SCAMP5: variants seen among roughly 807,000 people sequenced by gnomAD.
SCAMP5 encodes the protein secretory carrier membrane protein 5, also known as secretory carrier-associated membrane protein 5.
In SCAMP5, 7 loss-of-function variants were observed where a neutral mutation model predicts 28.3. The observed-to-expected ratio is 0.25, with a 90% CI of 0.14 to 0.46. The LOEUF is 0.46. SCAMP5 is among the 20% of genes least tolerant of loss of function. SCAMP5 has a pLI of 0.99. For synonymous variants in SCAMP5, 117 were observed against 116.4 expected (o/e 1.00, Z -0.03); for missense variants, 192 against 312.5 (o/e 0.61, Z 2.91).
At chr15:75,008,487 A>G (rs953507497) in intron 1 of SCAMP5, among the ~76,000 whole-genome samples, 1 of 145,418 alleles carries the variant, frequency 6.9e-6, no homozygotes, top group African/African-American at 2.5e-5. Flanking sequence ...CAGTTTACTG[A>G]GCTCATCTTT....
At chr15:75,005,350 T>C (rs2065746496) in intron 1 of SCAMP5, among the ~76,000 whole-genome samples, 1 of 151,062 alleles carries the variant, frequency 6.6e-6, no homozygotes, top group Admixed American at 6.6e-5. Context: ...TAATCCCAGC[T>C]ACTCCAGGCT....
intron 3 of SCAMP5, 99 bp downstream of exon 3, chr15:75,012,904 C>A (rs1183526436): frequency 8.6e-7 from 1 of 1,166,998 alleles, no homozygotes; most frequent in East Asian, 2.3e-5. Flanking sequence ...GCCTGACTGT[C>A]CTTCAGTCCC....
At chr15:75,004,805 A>C (rs986213464) in intron 1 of SCAMP5, among the ~76,000 whole-genome samples, 1 of 152,194 alleles carries the variant, frequency 6.6e-6, no homozygotes, top group Non-Finnish European at 1.5e-5. Context: ...TTAATAGTGA[A>C]TAGTAGTATC....
intron 1 of SCAMP5, among the ~76,000 whole-genome samples, chr15:75,004,632 A>T (rs2065739020): frequency 6.6e-6 from 1 of 152,008 alleles, no homozygotes; most frequent in South Asian, 2.1e-4. Flanking sequence ...CAGGAGACTG[A>T]GACTGGAGGA....
At chr15:75,013,851 G>A (rs1305488865) in intron 3 of SCAMP5, among the ~76,000 whole-genome samples, 2 of 151,908 alleles carry the variant, frequency 1.3e-5, no homozygotes, top group African/African-American at 4.8e-5. Context: ...AAATAATCTA[G>A]AATTCTTTAT....
At chr15:75,006,734 C>T (rs73436586) in intron 1 of SCAMP5, among the ~76,000 whole-genome samples, 29,860 of 149,582 alleles carry the variant, frequency 0.2, 4,732 homozygotes, top group South Asian at 0.43. Context: ...GAGATCACGC[C>T]GCTGCACTCT....
intron 1 of SCAMP5, among the ~76,000 whole-genome samples, chr15:75,001,440 G>A (rs975490003): frequency 2.0e-5 from 3 of 151,930 alleles, no homozygotes; most frequent in Admixed American, 6.6e-5. Flanking sequence ...GGTCCTGTAC[G>A]CTTATCTCCT....
intron 3 of SCAMP5, among the ~76,000 whole-genome samples, chr15:75,014,334 G>A (rs2065840878): frequency 6.6e-6 from 1 of 152,022 alleles, no homozygotes; most frequent in Non-Finnish European, 1.5e-5. Context: ...ACAGGTGTGG[G>A]TAAGTCTGTA....
intron 1 of SCAMP5, among the ~76,000 whole-genome samples, chr15:74,999,121 C>T (rs1472967348): frequency 6.6e-6 from 1 of 152,202 alleles, no homozygotes; most frequent in African/African-American, 2.4e-5. Context: ...ATGTGGTCCT[C>T]ATTGGCATGT....
intron 1 of SCAMP5, among the ~76,000 whole-genome samples, chr15:75,000,983 G>A (rs950433579): frequency 3.3e-5 from 5 of 151,920 alleles, no homozygotes; most frequent in African/African-American, 7.3e-5. Flanking sequence ...GCTCCAGGCC[G>A]GGCGCGGTGG....
rs892908503 is a variant in SCAMP5 at position 75,019,828 on chromosome 15, G to C, written c.*845G>C. ...AGCCCACCTGGGTACCTGACCCCCA[G>C]GGGATGAAAATGCAAGGATGAGTCT... On this transcript the variant is annotated 3_prime_UTR_variant, in exon 7 of 7. Transcript: ENST00000425597. 2 of 152,688 alleles carry C rather than the reference G, an allele frequency of 1.3e-5. No homozygotes were observed. The highest frequency in any genetic ancestry group is 2.4e-5 in the African/African-American group (1 of 41,452). 9.5% of individuals were successfully genotyped at this position (152,688 alleles called of 1,614,324 possible).
chr15:75,020,521 C>T lies in SCAMP5; in HGVS notation c.*1538C>T, dbSNP rs2065896521. ...AACTTGCTCCCTTCTGCCTACAGGC[C>T]TTGGTCTTGGCTTGTCCTCACCCAG... On this transcript the variant is annotated 3_prime_UTR_variant, in exon 7 of 7. Transcript: ENST00000425597. 1 of 152,426 alleles carries T rather than the reference C, an allele frequency of 6.6e-6. No homozygotes were observed. Among genetic ancestry groups the T allele is most frequent in the Non-Finnish European group, 1.5e-5 (1 of 68,118 alleles). The allele number at this position is 152,426 out of a possible 1,614,324, so 9.4% of individuals were successfully genotyped here. A position where few individuals can be genotyped will look rare whatever the true frequency, so the allele number is the denominator to read the frequency against.
chr15:75,004,467 C>T (rs567941667), intron 1 of SCAMP5, among the ~76,000 whole-genome samples: 3 of 152,252 alleles, frequency 2.0e-5, no homozygotes, highest in Admixed American at 6.5e-5. Flanking sequence ...TGGTGGCTCA[C>T]GCCTGTAATC....
In SCAMP5 at chr15:75,018,786, C is replaced by T. The variant is rs757760757; in HGVS notation, c.514-3C>T. On this transcript the variant is annotated splice_region_variant and splice_polypyrimidine_tract_variant and intron_variant, in intron 6 of 6. Transcript: ENST00000425597. The surrounding 1 kb of genome is among the most constrained non-coding windows in gnomAD (Gnocchi z 5.6). Reference sequence around the variant, plus strand: ...ACCCTTCTTTACGCTCTTTTTCCTACAGGTTCATAAATTTTACCGGGGAAG... The same window carrying T: ...ACCCTTCTTTACGCTCTTTTTCCTATAGGTTCATAAATTTTACCGGGGAAG... The T allele has an allele frequency of 2.5e-6, 4 of 1,604,772 alleles. No homozygotes were observed. Among genetic ancestry groups the T allele is most frequent in the Admixed American group, 1.7e-5 (1 of 58,310 alleles).
rs182073686 is a variant in SCAMP5 at position 75,005,422 on chromosome 15, T to C, written c.-48-6370T>C. 3.2e-4 allele frequency among the ~76,000 whole-genome samples: 49 copies of C among 151,174 alleles called. 1 individual carries two copies. The East Asian group carries it at 9.3e-3, about 29-fold the overall frequency. ...TTGCGGCGAGCCACGATTGCACCAT[T>C]GCACTCCATCCTAGGCAATAAGAGC... On this transcript the variant is annotated intron_variant, in intron 1 of 6. Coordinates refer to ENST00000425597, the MANE Select transcript of SCAMP5 (RefSeq NM_138967.4).
chr15:74,995,935 G>A (rs1403409137), intron 1 of SCAMP5: 1 of 152,428 alleles, frequency 6.6e-6, no homozygotes, highest in Non-Finnish European at 1.5e-5. Context: ...GAGGGAACTG[G>A]GCCTTTGGGT....
At position 75,017,863 on chromosome 15, in the gene SCAMP5, G is replaced by A; in HGVS notation, c.294-7G>A. 3 of 1,606,942 alleles carry A rather than the reference G, an allele frequency of 1.9e-6. No individual in the cohort carries two copies. The highest frequency in any genetic ancestry group is 2.6e-6 in the Non-Finnish European group (3 of 1,173,600). On this transcript the variant is annotated splice_region_variant and splice_polypyrimidine_tract_variant and intron_variant, in intron 4 of 6. Transcript: ENST00000425597. ...CCAGGTGACGGGAGCCACCTCCTCT[G>A]CCGCAGGACTGACAGCTCCTTCAGT...
chr15:74,999,751 G>T lies in SCAMP5; in HGVS notation c.-49+4078G>T, dbSNP rs1026352052. Among the ~76,000 whole-genome samples the T allele has an allele frequency of 3.3e-5, 5 of 152,162 alleles. No individual in the cohort carries two copies. The East Asian group carries it at 9.6e-4, about 29-fold the overall frequency. On this transcript the variant is annotated intron_variant, in intron 1 of 6. Coordinates refer to ENST00000425597, the MANE Select transcript of SCAMP5 (RefSeq NM_138967.4). Reference sequence around the variant, plus strand: ...CAGGAGACGGAGGTTGCAGTGGGCCGAGATCGCGCCACTGCACTCCAGCCT... The same window carrying T: ...CAGGAGACGGAGGTTGCAGTGGGCCTAGATCGCGCCACTGCACTCCAGCCT...
At chr15:74,998,897 T>G (rs2065676959) in intron 1 of SCAMP5, among the ~76,000 whole-genome samples, 1 of 152,316 alleles carries the variant, frequency 6.6e-6, no homozygotes, top group Admixed American at 6.5e-5. Flanking sequence ...TTTGGGAGAT[T>G]GTCTGGGACC....
Sources: gnomAD v4.1 joint callset for allele counts (sites outside exome capture counted in the v4.1 genomes callset) on GRCh38, gnomAD v4.1.1 for gene constraint, Gnocchi (gnomAD v3.1) non-coding constraint, MANE v1.5 for transcripts, NCBI Gene and HGNC (gene_info 2026-07-23, HGNC 2026-07-21) for gene names.